The following SMARCA2 variants were observed in gnomAD, a reference collection of about 807,000 sequenced individuals.
SMARCA2 encodes SWI/SNF-related matrix-associated actin-dependent regulator of chromatin subfamily A member 2.
In SMARCA2, 61 loss-of-function variants were observed where a neutral mutation model predicts 199.8. The ratio of observed to expected loss-of-function variants is 0.31; its 90% CI spans 0.25 to 0.38. The LOEUF (loss-of-function observed/expected upper bound fraction) is 0.38, where lower values mean the gene tolerates loss of function less well. SMARCA2 is among the 10% of genes least tolerant of loss of function. The probability of loss-of-function intolerance (pLI) is 1.00; values close to 1 mark genes in which losing one functional copy is unlikely to be tolerated. For missense variants in SMARCA2, 1,344 were observed against 2,012.2 expected (o/e 0.67, Z 6.35); for synonymous variants, 935 against 732.0 (o/e 1.28, Z -4.48).
At chr9:2,157,847 G>A (rs1296314312) in intron 27 of SMARCA2, 2 of 398,486 alleles carry the variant, frequency 5.0e-6, no homozygotes, top group African/African-American at 4.1e-5. Flanking sequence ...AGGCGCCTGA[G>A]GCTGACTTTC....
intron 9 of SMARCA2, 81 bp from the exon 10 acceptor site, chr9:2,070,337 A>G (rs892890824): frequency 4.6e-6 from 5 of 1,081,736 alleles, no homozygotes; most frequent in Non-Finnish European, 5.7e-6. Context: ...ATGAAATCCT[A>G]TTACATACCG....
intron 27 of SMARCA2, among the ~76,000 whole-genome samples, chr9:2,140,894 C>A (rs939125522): frequency 6.6e-6 from 1 of 151,722 alleles, no homozygotes; most frequent in Non-Finnish European, 1.5e-5. Flanking sequence ...GTACTGGGCA[C>A]TTGGTGCCAG....
rs7855102 is a variant in SMARCA2 at position 2,020,208 on chromosome 9, G to T, written c.-37+4804G>T. Among the ~76,000 whole-genome samples the T allele has an allele frequency of 3.6e-4, 55 of 152,140 alleles. No individual in the cohort carries two copies. In the East Asian group the frequency reaches 0.01, roughly 29 times the overall value. On this transcript the variant is annotated intron_variant, in intron 1 of 33. Transcript: ENST00000349721. ...CCTAGTATGAAAGCCACATTTAGGGGCTATTTCTGATTTCTCCTTTTTAAT... is the reference window on the plus strand; with the variant it reads ...CCTAGTATGAAAGCCACATTTAGGGTCTATTTCTGATTTCTCCTTTTTAAT...
intron 29 of SMARCA2, among the ~76,000 whole-genome samples, chr9:2,177,299 G>A (rs2129817092): frequency 6.6e-6 from 1 of 152,276 alleles, no homozygotes; most frequent in South Asian, 2.1e-4. Context: ...CCAACCTCAA[G>A]TGAGTATTCT....
rs909354008 is a variant in SMARCA2 at position 2,170,325 on chromosome 9, G to A, written c.4200-94G>A. 7.7e-6 allele frequency: 12 copies of A among 1,548,566 alleles called. No individual in the cohort carries two copies. The highest frequency in any genetic ancestry group is 4.1e-5 in the African/African-American group (3 of 72,996). ...CAAGGCAGGTTGGTGAGGAGACTGA[G>A]GCTTGGCCAGGTCACCCAGCCTAGG... On this transcript the variant is annotated intron_variant, in intron 28 of 33. Transcript: ENST00000349721. This position sits in a 1 kb window ranked among gnomAD's most constrained non-coding sequence, Gnocchi z 4.7.
chr9:2,172,061 C>G (rs1311974195), intron 29 of SMARCA2, among the ~76,000 whole-genome samples: 1 of 152,148 alleles, frequency 6.6e-6, no homozygotes, highest in Non-Finnish European at 1.5e-5. Flanking sequence ...TCAGGGCTCT[C>G]TGGAGTCTGT....
intron 27 of SMARCA2, among the ~76,000 whole-genome samples, chr9:2,146,391 G>T (rs902682710): frequency 6.6e-6 from 1 of 152,122 alleles, no homozygotes; most frequent in African/African-American, 2.4e-5. Flanking sequence ...AATCAGGATG[G>T]GTAGGATCAG....
At position 2,016,149 on chromosome 9, in the gene SMARCA2, T is replaced by A. The variant is rs1818345370; in HGVS notation, c.-37+745T>A. The A allele has an allele frequency of 6.6e-6, 1 of 152,372 alleles. No individual in the cohort carries two copies. The highest frequency in any genetic ancestry group is 1.5e-5 in the Non-Finnish European group (1 of 68,226). 9.4% of individuals were successfully genotyped at this position (152,372 alleles called of 1,614,324 possible). On this transcript the variant is annotated intron_variant, in intron 1 of 33. Transcript: ENST00000349721. The surrounding 1 kb of genome is among the most constrained non-coding windows in gnomAD (Gnocchi z 5.6). ...CGGCCACTGCCGCGGGGCCGGTGCG[T>A]GCCTGATCGGAGGTGTCACCTCCAC...
intron 31 of SMARCA2, among the ~76,000 whole-genome samples, chr9:2,185,851 C>G (rs898326716): frequency 6.6e-6 from 1 of 152,196 alleles, no homozygotes; most frequent in African/African-American, 2.4e-5. Context: ...ATTTTATCTA[C>G]TATTCTCCTC....
At chr9:2,051,142 A>G (rs1171187788) in intron 5 of SMARCA2, among the ~76,000 whole-genome samples, 1 of 152,198 alleles carries the variant, frequency 6.6e-6, no homozygotes, top group Non-Finnish European at 1.5e-5. Context: ...AACAACAACA[A>G]CATCAACAAA....
chr9:2,087,790 G>T (rs1280592370), intron 18 of SMARCA2, among the ~76,000 whole-genome samples: 2 of 152,202 alleles, frequency 1.3e-5, no homozygotes, highest in African/African-American at 2.4e-5. Context: ...ATTTCGGTTT[G>T]AATTATTTGG....
intron 31 of SMARCA2, 73 bp from the exon 32 acceptor site, chr9:2,186,023 A>G (rs761256780): frequency 2.9e-6 from 4 of 1,394,000 alleles, no homozygotes; most frequent in Non-Finnish European, 4.0e-6. Flanking sequence ...AAGCTGGTGT[A>G]TTGCATAAGG....
intron 32 of SMARCA2, among the ~76,000 whole-genome samples, chr9:2,189,228 C>CA (rs1423646921): frequency 6.6e-6 from 1 of 152,096 alleles, no homozygotes; most frequent in Non-Finnish European, 1.5e-5. Flanking sequence ...TAGAACTTTT[C>CA]ATAGGTGCAT....
chr9:2,021,863 G>C (rs1017737843), intron 1 of SMARCA2: 2 of 152,140 alleles, frequency 1.3e-5, no homozygotes, highest in African/African-American at 4.8e-5. Context: ...GAGCTGATGG[G>C]GTAGATAAGG....
At chr9:2,117,803 C>T (rs528415788) in intron 25 of SMARCA2, among the ~76,000 whole-genome samples, 73 of 152,326 alleles carry the variant, frequency 4.8e-4, no homozygotes, top group African/African-American at 1.7e-3. Context: ...CTTGCTGAGG[C>T]TCCTGTCCCT....
intron 27 of SMARCA2, among the ~76,000 whole-genome samples, chr9:2,156,304 G>A (rs1825355301): frequency 1.3e-5 from 2 of 151,328 alleles, no homozygotes; most frequent in Admixed American, 1.3e-4. Flanking sequence ...TGAACCTGCA[G>A]TTGTTGGGGT....
At chr9:2,026,858 T>C (rs1818853989) in intron 1 of SMARCA2, among the ~76,000 whole-genome samples, 1 of 152,102 alleles carries the variant, frequency 6.6e-6, no homozygotes, top group Non-Finnish European at 1.5e-5. Flanking sequence ...GAAAAAAAAG[T>C]TCCGTCTGCT....
rs1416628954 is a variant in SMARCA2, at chr9:2,193,119, G to GAGA, written c.*383_*385dup. 5.7e-6 allele frequency: 1 copy of GAGA among 176,496 alleles called. No individual in the cohort carries two copies. The highest frequency in any genetic ancestry group is 1.4e-4 in the East Asian group (1 of 6,956). The allele number at this position is 176,496 out of a possible 1,614,324, so 10.9% of individuals were successfully genotyped here. ...TGTCTTTTGTAGCACTGATAACCAG[G>GAGA]AGAAGCCATTAAAAGCCACTGGTTA... On this transcript the variant is annotated 3_prime_UTR_variant, in exon 34 of 34. Coordinates refer to ENST00000349721, the MANE Select transcript of SMARCA2 (RefSeq NM_003070.5).
Position 2,104,513 on chromosome 9 carries a change from C to A in SMARCA2, c.3292+344C>A, listed in dbSNP as rs1430666323. Among the ~76,000 whole-genome samples, 1 of 152,158 alleles carries A rather than the reference C, an allele frequency of 6.6e-6. No individual in the cohort carries two copies. Among genetic ancestry groups the A allele is most frequent in the Non-Finnish European group, 1.5e-5 (1 of 68,014 alleles). On this transcript the variant is annotated intron_variant, in intron 23 of 33. Coordinates refer to ENST00000349721, the MANE Select transcript of SMARCA2 (RefSeq NM_003070.5). This position sits in a 1 kb window ranked among gnomAD's most constrained non-coding sequence, Gnocchi z 4.0. Reference sequence around the variant, plus strand: ...AAAGATATAGAATACATTGACACACCTTTAACTTTTTCAGTTAAGGCATAT... The same window carrying A: ...AAAGATATAGAATACATTGACACACATTTAACTTTTTCAGTTAAGGCATAT...
Sources: gnomAD v4.1 joint callset for allele counts (sites outside exome capture counted in the v4.1 genomes callset) on GRCh38, gnomAD v4.1.1 for gene constraint, Gnocchi (gnomAD v3.1) non-coding constraint, MANE v1.5 for transcripts, NCBI Gene and HGNC (gene_info 2026-07-23, HGNC 2026-07-21) for gene names.